The following FNTB variants were observed in gnomAD, a reference collection of about 807,000 sequenced individuals.
The protein encoded by FNTB is farnesyltransferase, CAAX box, subunit beta, also known as protein farnesyltransferase subunit beta.
Under a neutral mutation model 59.4 loss-of-function variants are expected in FNTB, and 27 were observed. That is an observed-to-expected ratio of 0.45 (90% CI 0.34 to 0.63). The LOEUF (loss-of-function observed/expected upper bound fraction) is 0.63, where lower values mean the gene tolerates loss of function less well. FNTB is among the 20% of genes least tolerant of loss of function. The pLI is 0.02. For missense variants in FNTB, 449 were observed against 559.6 expected (o/e 0.80, Z 1.99); for synonymous variants, 230 against 220.7 (o/e 1.04, Z -0.37).
At chr14:65,006,059 ATCT>A (rs1349351953) in intron 2 of FNTB, 6 of 1,397,468 alleles carry the variant, frequency 4.3e-6, no homozygotes, top group Non-Finnish European at 5.8e-6. Context: ...ACTTCTTGAG[ATCT>A]TCTAACAGAC....
At position 65,015,581 on chromosome 14, in the gene FNTB, G is replaced by A. The variant is rs780146704; in HGVS notation, c.283-44G>A. On this transcript the variant is annotated intron_variant, in intron 3 of 11. Coordinates refer to ENST00000246166, the MANE Select transcript of FNTB (RefSeq NM_002028.4). Reference sequence around the variant, plus strand: ...ACAGCCTTGGCAGCAGTGTCTTGGAGTGATTGTGAATAAGGGATGTTTTCT... The same window carrying A: ...ACAGCCTTGGCAGCAGTGTCTTGGAATGATTGTGAATAAGGGATGTTTTCT... 102 of 1,608,746 alleles carry A rather than the reference G, an allele frequency of 6.3e-5. No individual in the cohort carries two copies. The Admixed American group carries it at 1.7e-3, about 26-fold the overall frequency.
rs1176638945 is a variant in FNTB at position 65,028,640 on chromosome 14, A to G, written c.605+859A>G. ...CATTGTGGAGCATAAAATACATTAC[A>G]GATAATAGGTAATCAGGCTGCAAAG... On this transcript the variant is annotated intron_variant, in intron 6 of 11. Transcript: ENST00000246166. This position sits in a 1 kb window ranked among gnomAD's most constrained non-coding sequence, Gnocchi z 4.4. Among the ~76,000 whole-genome samples, 2 of 152,216 alleles carry G rather than the reference A, an allele frequency of 1.3e-5. No homozygotes were observed. The highest frequency in any genetic ancestry group is 4.8e-5 in the African/African-American group (2 of 41,466).
At chr14:65,059,604 T>C (rs2062815757) in intron 11 of FNTB, among the ~76,000 whole-genome samples, 2 of 152,088 alleles carry the variant, frequency 1.3e-5, no homozygotes, top group Admixed American at 6.6e-5. Flanking sequence ...TAGTATTCTC[T>C]CAAAATTTTT....
At position 64,997,155 on chromosome 14, in the gene FNTB, T is replaced by C. The variant is rs561874906; in HGVS notation, c.145-7094T>C. Among the ~76,000 whole-genome samples the C allele has an allele frequency of 2.0e-5, 3 of 152,328 alleles. No individual in the cohort carries two copies. The highest frequency in any genetic ancestry group is 4.1e-4 in the South Asian group (2 of 4,820). ...GAGGGTCCTGAATTCTGCTAAGATG[T>C]AGGTGTAAAGGATAACCAGCGATTA... On this transcript the variant is annotated intron_variant, in intron 1 of 11. Transcript: ENST00000246166. The surrounding 1 kb of genome is among the most constrained non-coding windows in gnomAD (Gnocchi z 4.5).
intron 2 of FNTB, among the ~76,000 whole-genome samples, chr14:65,005,098 C>G (rs760590838): frequency 6.6e-6 from 1 of 152,198 alleles, no homozygotes; most frequent in South Asian, 2.1e-4. Flanking sequence ...TAATTGTGTT[C>G]CATATCCCAA....
rs769339593 is a variant in FNTB at position 65,001,207 on chromosome 14, C to T, written c.145-3042C>T. 2.0e-5 allele frequency among the ~76,000 whole-genome samples: 3 copies of T among 152,102 alleles called. No homozygotes were observed. The highest frequency in any genetic ancestry group is 1.3e-4 in the Admixed American group (2 of 15,266). On this transcript the variant is annotated intron_variant, in intron 1 of 11. Transcript: ENST00000246166. This position sits in a 1 kb window ranked among gnomAD's most constrained non-coding sequence, Gnocchi z 5.5. ...ATCTAGAGATGATTTAAAATACAGG[C>T]GTGCACTATATAACAATCAACAGAC...
intron 9 of FNTB, among the ~76,000 whole-genome samples, chr14:65,052,527 C>T (rs1007059026): frequency 6.6e-6 from 1 of 152,098 alleles, no homozygotes; most frequent in African/African-American, 2.4e-5. Flanking sequence ...GTGATTTGTC[C>T]CTCCTTCCCA....
At chr14:65,021,053 A>G (rs1312371503) in intron 4 of FNTB, among the ~76,000 whole-genome samples, 1 of 152,204 alleles carries the variant, frequency 6.6e-6, no homozygotes, top group East Asian at 1.9e-4. Flanking sequence ...TTAAGAGGTT[A>G]TATGCACACA....
intron 4 of FNTB, among the ~76,000 whole-genome samples, chr14:65,017,123 A>G (rs1389964826): frequency 3.3e-5 from 5 of 151,984 alleles, no homozygotes; most frequent in Non-Finnish European, 5.9e-5. Context: ...GGCTTTCACC[A>G]TATTGACCAG....
chr14:65,032,643 G>A lies in FNTB; in HGVS notation c.639G>A (p.Leu213=), dbSNP rs755773687. The A allele has an allele frequency of 2.5e-6, 4 of 1,613,958 alleles. No individual in the cohort carries two copies. Among genetic ancestry groups the A allele is most frequent in the South Asian group, 2.2e-5 (2 of 91,052 alleles). ...SAYCAASVAS[L]TNIITPDLFE... Reference sequence around the variant, plus strand: ...ACTGTGCTGCCTCCGTAGCCTCGCTGACCAACATCATCACTCCAGACCTCT... The same window carrying A: ...ACTGTGCTGCCTCCGTAGCCTCGCTAACCAACATCATCACTCCAGACCTCT... The change falls in exon 7 of 12, where the codon CTG becomes CTA. Residue 213 remains leucine (L), a synonymous_variant. Coordinates refer to ENST00000246166, the MANE Select transcript of FNTB (RefSeq NM_002028.4). The surrounding 1 kb of genome is among the most constrained non-coding windows in gnomAD (Gnocchi z 5.0).
At position 65,031,450 on chromosome 14, in the gene FNTB, T is replaced by C. The variant is rs2062080884; in HGVS notation, c.606-1160T>C. Among the ~76,000 whole-genome samples, 1 of 151,828 alleles carries C rather than the reference T, an allele frequency of 6.6e-6. No individual in the cohort carries two copies. On this transcript the variant is annotated intron_variant, in intron 6 of 11. Coordinates refer to ENST00000246166, the MANE Select transcript of FNTB (RefSeq NM_002028.4). The surrounding 1 kb of genome is among the most constrained non-coding windows in gnomAD (Gnocchi z 4.6). ...CTCCTGCCTCAGCCTCCCAAGTAGT[T>C]GGGACTACGGGCACACGCCACCATG...
intron 8 of FNTB, among the ~76,000 whole-genome samples, chr14:65,041,327 T>C (rs572784568): frequency 3.3e-5 from 5 of 152,348 alleles, no homozygotes; most frequent in African/African-American, 1.2e-4. Context: ...AGTACCTACA[T>C]TTAAATGAGT....
At chr14:65,017,628 T>C (rs2061802257) in intron 4 of FNTB, among the ~76,000 whole-genome samples, 1 of 152,142 alleles carries the variant, frequency 6.6e-6, no homozygotes, top group Non-Finnish European at 1.5e-5. Context: ...CTAAATTAAA[T>C]ATCAACAGTA....
At chr14:65,019,088 G>A (rs1384826583) in intron 4 of FNTB, among the ~76,000 whole-genome samples, 2 of 152,138 alleles carry the variant, frequency 1.3e-5, no homozygotes, top group South Asian at 2.1e-4. Flanking sequence ...CAGGAGACTC[G>A]CTTGAACCCG....
intron 11 of FNTB, among the ~76,000 whole-genome samples, chr14:65,059,329 G>GC (rs200028962): frequency 5.4e-4 from 82 of 150,710 alleles, no homozygotes; most frequent in African/African-American, 1.8e-3. Flanking sequence ...CCCCGCACTA[G>GC]CCCCTTTTTT....
intron 9 of FNTB, among the ~76,000 whole-genome samples, chr14:65,052,988 C>T (rs532345742): frequency 6.6e-5 from 10 of 152,278 alleles, no homozygotes; most frequent in Non-Finnish European, 7.4e-5. Context: ...TCACCATCCA[C>T]GTTAACAGGG....
At chr14:65,034,179 A>G (rs2062143766) in intron 7 of FNTB, among the ~76,000 whole-genome samples, 1 of 152,152 alleles carries the variant, frequency 6.6e-6, no homozygotes, top group South Asian at 2.1e-4. Flanking sequence ...GTGCGTTTTG[A>G]GTTGCCCCTT....
intron 1 of FNTB, among the ~76,000 whole-genome samples, chr14:64,989,930 G>A (rs1031935921): frequency 7.2e-5 from 11 of 152,290 alleles, no homozygotes; most frequent in African/African-American, 2.6e-4. Flanking sequence ...GTCAGGAATG[G>A]GTGGGGTGGG....
intron 11 of FNTB, among the ~76,000 whole-genome samples, chr14:65,060,317 G>C (rs2139697685): frequency 6.6e-6 from 1 of 151,890 alleles, no homozygotes; most frequent in South Asian, 2.1e-4. Context: ...GACCAGGTGT[G>C]GTGGCTCACA....
Sources: allele counts gnomAD v4.1 joint callset (sites outside exome capture counted in the v4.1 genomes callset), GRCh38; gene constraint gnomAD v4.1.1; non-coding constraint Gnocchi (gnomAD v3.1); transcripts MANE v1.5; gene names NCBI Gene and HGNC (gene_info 2026-07-23, HGNC 2026-07-21).